The following KMT5A variants were observed in gnomAD, a reference collection of about 807,000 sequenced individuals.
The protein encoded by KMT5A is lysine methyltransferase 5A, also known as N-lysine methyltransferase KMT5A.
In KMT5A, 6 loss-of-function variants were observed where a neutral mutation model predicts 40.6. The ratio of observed to expected loss-of-function variants is 0.15; its 90% CI spans 0.08 to 0.29. The LOEUF is 0.29. Ranked by LOEUF, KMT5A falls within the 10% of genes least tolerant of loss-of-function variation. The pLI, the probability that KMT5A is intolerant of heterozygous loss-of-function variation, is 1.00. For missense variants in KMT5A, 308 were observed against 459.1 expected, an observed-to-expected ratio of 0.67 and a Z score of 3.01; for synonymous variants, 153 against 178.8, an observed-to-expected ratio of 0.86 and a Z score of 1.15.
intron 1 of KMT5A, among the ~76,000 whole-genome samples, chr12:123,385,408 T>C (rs1330051694): frequency 6.6e-6 from 1 of 152,236 alleles, no homozygotes; most frequent in Non-Finnish European, 1.5e-5. Flanking sequence ...CTGACTAATT[T>C]ATCTGACAAA....
Position 123,389,569 on chromosome 12 carries a change from T to C in KMT5A, c.132+15T>C. ...GCACCGACGGGGTAAGCAGGCACCC[T>C]CCCCGCACCCCTGCGGCGCGCCCGC... On this transcript the variant is annotated intron_variant, in intron 2 of 7. Transcript: ENST00000402868. The C allele has an allele frequency of 9.3e-7, 1 of 1,074,738 alleles. No individual in the cohort carries two copies. The highest frequency in any genetic ancestry group is 1.1e-6 in the Non-Finnish European group (1 of 889,530). The allele number at this position is 1,074,738 out of a possible 1,614,324, so 66.6% of individuals were successfully genotyped here.
intron 5 of KMT5A, among the ~76,000 whole-genome samples, chr12:123,397,619 G>A (rs1338656267): frequency 2.0e-5 from 3 of 151,038 alleles, no homozygotes; most frequent in Admixed American, 2.0e-4. Context: ...CCAAGAATGA[G>A]CTGTTTAAAA....
intron 5 of KMT5A, among the ~76,000 whole-genome samples, chr12:123,401,438 CT>C (rs199733053): frequency 0.07 from 10,317 of 148,234 alleles, 398 homozygotes; most frequent in South Asian, 0.12. Flanking sequence ...GTATATCTTT[CT>C]TTTTTTTTTA....
chr12:123,401,315 A>AT (rs1593471015), intron 5 of KMT5A, among the ~76,000 whole-genome samples: 1 of 148,688 alleles, frequency 6.7e-6, no homozygotes. Context: ...TGCCCGGCTA[A>AT]TTTTTTGTAT....
chr12:123,393,023 C>G (rs1877425802), intron 3 of KMT5A, among the ~76,000 whole-genome samples: 1 of 151,994 alleles, frequency 6.6e-6, no homozygotes, highest in Non-Finnish European at 1.5e-5. Flanking sequence ...ATTACAGGTG[C>G]CCGCCACCAC....
At chr12:123,393,748 G>C (rs1877482805) in intron 3 of KMT5A, among the ~76,000 whole-genome samples, 1 of 152,096 alleles carries the variant, frequency 6.6e-6, no homozygotes, top group African/African-American at 2.4e-5. Context: ...TACCATCTTG[G>C]CCAGGCTGGT....
At position 123,395,125 on chromosome 12, in the gene KMT5A, C is replaced by G. The variant is rs776298564; in HGVS notation, c.368C>G (p.Pro123Arg). ...AAGATCAAAGACGCCAGGAAAGGTC[C>G]CCTGGTACCTTTTCCAAACCAAAAA... ...EQKIKDARKG[P>R]LVPFPNQKSE... Residue 123 changes from proline to arginine, a missense_variant, in exon 4 of 8, where the codon CCC (proline) becomes CGC (arginine). Physicochemically the swap from Pro to Arg is moderately radical, Grantham distance 103. Coordinates refer to ENST00000402868, the MANE Select transcript of KMT5A (RefSeq NM_020382.7). The G allele has an allele frequency of 1.2e-6, 2 of 1,606,934 alleles. No individual in the cohort carries two copies. The highest frequency in any genetic ancestry group is 1.7e-6 in the Non-Finnish European group (2 of 1,176,580).
intron 5 of KMT5A, among the ~76,000 whole-genome samples, chr12:123,397,099 G>C (rs569269059): frequency 1.1e-4 from 16 of 152,360 alleles, no homozygotes; most frequent in African/African-American, 3.8e-4. Flanking sequence ...TTCCCACGCT[G>C]CTGCCATACT....
At chr12:123,392,463 G>A (rs1432955130) in intron 3 of KMT5A, among the ~76,000 whole-genome samples, 2 of 152,042 alleles carry the variant, frequency 1.3e-5, no homozygotes, top group African/African-American at 4.8e-5. Flanking sequence ...TTTGAGACCA[G>A]CCTGGGCAAC....
intron 4 of KMT5A, 104 bp from the exon 5 acceptor site, chr12:123,396,241 C>A: frequency 9.6e-7 from 1 of 1,045,350 alleles, no homozygotes; most frequent in South Asian, 1.4e-5. Flanking sequence ...GTGACATCAT[C>A]TCCAAGGAGC....
intron 4 of KMT5A, among the ~76,000 whole-genome samples, chr12:123,396,019 T>G (rs1424092662): frequency 6.6e-6 from 1 of 152,142 alleles, no homozygotes; most frequent in East Asian, 1.9e-4. Flanking sequence ...CTAATTTCTT[T>G]CCTTTTTTTA....
chr12:123,396,246 A>T lies in KMT5A; in HGVS notation c.510-99A>T, dbSNP rs1301644280. Reference sequence around the variant, plus strand: ...AGGTGTTTAAGTGACATCATCTCCAAGGAGCTGTGTGCCTCCTCGGTGTGT... The same window carrying T: ...AGGTGTTTAAGTGACATCATCTCCATGGAGCTGTGTGCCTCCTCGGTGTGT... On this transcript the variant is annotated intron_variant, in intron 4 of 7. Coordinates refer to ENST00000402868, the MANE Select transcript of KMT5A (RefSeq NM_020382.7). 2.7e-6 allele frequency: 3 copies of T among 1,101,058 alleles called. No individual in the cohort carries two copies. In the African/African-American group the frequency reaches 4.6e-5, roughly 17 times the overall value. The allele number at this position is 1,101,058 out of a possible 1,614,324, so 68.2% of individuals were successfully genotyped here. A position where few individuals can be genotyped will look rare whatever the true frequency, so the allele number is the denominator to read the frequency against.
chr12:123,391,068 G>T, intron 3 of KMT5A: 1 of 376,378 alleles, frequency 2.7e-6, no homozygotes, highest in South Asian at 2.9e-5. Context: ...AATTAGAGAG[G>T]CTCACAAGTG....
Position 123,384,289 on chromosome 12 carries a change from G to A in KMT5A, c.10+81G>A. ...GGTTGCCGGGGTGGAGGCAGCGGCT[G>A]CGGGGAGGCGTCCTCCTCGGGTGGC... On this transcript the variant is annotated intron_variant, in intron 1 of 7. Coordinates refer to ENST00000402868, the MANE Select transcript of KMT5A (RefSeq NM_020382.7). This position sits in a 1 kb window ranked among gnomAD's most constrained non-coding sequence, Gnocchi z 5.7. The A allele has an allele frequency of 6.4e-7, 1 of 1,574,062 alleles. No homozygotes were observed.
chr12:123,390,082 C>T (rs990569189), intron 2 of KMT5A: 2 of 469,108 alleles, frequency 4.3e-6, no homozygotes, highest in Non-Finnish European at 8.8e-6. Context: ...CCCAGATTCC[C>T]CAGTCACCCT....
At chr12:123,385,176 A>G (rs1051150791) in intron 1 of KMT5A, among the ~76,000 whole-genome samples, 2 of 152,054 alleles carry the variant, frequency 1.3e-5, no homozygotes, top group East Asian at 3.9e-4. Context: ...GTAAATATCT[A>G]TTGGGTCCCT....
chr12:123,394,929 C>G (rs1190482425), intron 3 of KMT5A, 118 bp from the exon 4 acceptor site: 2 of 953,582 alleles, frequency 2.1e-6, no homozygotes, highest in Non-Finnish European at 3.2e-6. Flanking sequence ...CAAGGGCACT[C>G]CTGCCTGACA....
At chr12:123,392,447 C>T (rs566167281) in intron 3 of KMT5A, among the ~76,000 whole-genome samples, 79 of 152,128 alleles carry the variant, frequency 5.2e-4, no homozygotes, top group African/African-American at 1.7e-3. Context: ...TGCTTGAGCC[C>T]AGGAGTTTGA....
chr12:123,400,400 G>T (rs1465951026), intron 5 of KMT5A, among the ~76,000 whole-genome samples: 1 of 148,242 alleles, frequency 6.7e-6, no homozygotes, highest in Non-Finnish European at 1.5e-5. Flanking sequence ...TCACTCTGTA[G>T]CCCGCGCTGG....
Sources: gnomAD v4.1 joint callset for allele counts (sites outside exome capture counted in the v4.1 genomes callset) on GRCh38, gnomAD v4.1.1 for gene constraint, Gnocchi (gnomAD v3.1) non-coding constraint, MANE v1.5 for transcripts, NCBI Gene and HGNC (gene_info 2026-07-23, HGNC 2026-07-21) for gene names.